Variants in ERG observed in about 807,000 individuals in gnomAD.
ERG encodes the protein ETS transcription factor ERG.
In ERG, 9 loss-of-function variants were observed where a neutral mutation model predicts 55.3. That is an observed-to-expected ratio of 0.16 (90% CI 0.10 to 0.28). The LOEUF (loss-of-function observed/expected upper bound fraction) is 0.28. ERG is among the 10% of genes least tolerant of loss of function. The probability of loss-of-function intolerance (pLI) is 1.00; values close to 1 mark genes in which losing one functional copy is unlikely to be tolerated. For missense variants in ERG, 434 were observed against 631.6 expected (o/e 0.69, Z 3.35); for synonymous variants, 223 against 237.3 (o/e 0.94, Z 0.55).
intron 2 of ERG, among the ~76,000 whole-genome samples, chr21:38,567,816 C>T (rs974204746): frequency 6.6e-6 from 1 of 152,182 alleles, no homozygotes; most frequent in Non-Finnish European, 1.5e-5. Context: ...AAGGCAGATT[C>T]GGGCGCTTTC....
At chr21:38,613,420 G>A (rs931662608) in intron 1 of ERG, among the ~76,000 whole-genome samples, 2 of 152,138 alleles carry the variant, frequency 1.3e-5, no homozygotes, top group African/African-American at 2.4e-5. Context: ...TGACCACATC[G>A]TAACTACTGT....
upstream of ERG, among the ~76,000 whole-genome samples, chr21:38,501,807 C>A (rs941014550): frequency 3.9e-5 from 6 of 152,288 alleles, no homozygotes; most frequent in African/African-American, 1.4e-4. Context: ...AAACCCATCC[C>A]CTGTGAATCT....
intron 2 of ERG, among the ~76,000 whole-genome samples, chr21:38,559,284 C>T (rs954399253): frequency 2.0e-5 from 3 of 151,956 alleles, no homozygotes; most frequent in Admixed American, 2.0e-4. Context: ...CTGGAACACA[C>T]CTGCCTGCTG....
At chr21:38,397,379 C>T (rs1988274427) in intron 6 of ERG, among the ~76,000 whole-genome samples, 1 of 151,976 alleles carries the variant, frequency 6.6e-6, no homozygotes, top group East Asian at 1.9e-4. Context: ...GTGGGCGGAT[C>T]ACGAGGTCAA....
chr21:38,512,901 G>A (rs1446302086), intron 2 of ERG, among the ~76,000 whole-genome samples: 1 of 152,170 alleles, frequency 6.6e-6, no homozygotes, highest in African/African-American at 2.4e-5. Context: ...GGGAGGCCGA[G>A]GCAGGCGGAT....
chr21:38,622,863 C>T (rs192472899), intron 1 of ERG, among the ~76,000 whole-genome samples: 32 of 150,808 alleles, frequency 2.1e-4, no homozygotes, highest in African/African-American at 7.1e-4. Context: ...CACACCCACA[C>T]CACACATACT....
At chr21:38,645,562 G>A (rs1176654421) in intron 1 of ERG, among the ~76,000 whole-genome samples, 1 of 152,176 alleles carries the variant, frequency 6.6e-6, no homozygotes, top group South Asian at 2.1e-4. Context: ...CAGTTCTGCG[G>A]CTTGGGCTCC....
At chr21:38,586,451 A>C (rs912523101), upstream of ERG, among the ~76,000 whole-genome samples, 1 of 152,022 alleles carries the variant, frequency 6.6e-6, no homozygotes, top group Admixed American at 6.6e-5. Context: ...GTGTCCTTTG[A>C]CCAACATCTC....
chr21:38,417,319 T>C (rs1274683549), intron 3 of ERG, among the ~76,000 whole-genome samples: 3 of 152,198 alleles, frequency 2.0e-5, no homozygotes, highest in Non-Finnish European at 2.9e-5. Context: ...AAGAGTTTAA[T>C]GAATGAATTA....
At chr21:38,573,726 C>A (rs770871098) in intron 2 of ERG, among the ~76,000 whole-genome samples, 1 of 152,200 alleles carries the variant, frequency 6.6e-6, no homozygotes, top group Non-Finnish European at 1.5e-5. Context: ...AACTCAGAGG[C>A]CGGTGCCGGT....
chr21:38,461,908 G>C (rs1284541386), intron 1 of ERG, among the ~76,000 whole-genome samples: 1 of 152,078 alleles, frequency 6.6e-6, no homozygotes, highest in Non-Finnish European at 1.5e-5. Flanking sequence ...GGGTTCAAGT[G>C]ATTCTCCTGC....
chr21:38,646,477 G>A (rs1010532459), intron 1 of ERG, among the ~76,000 whole-genome samples: 7 of 152,058 alleles, frequency 4.6e-5, no homozygotes, highest in South Asian at 2.1e-4. Flanking sequence ...GATTCTGACC[G>A]ATCTGCTCTG....
At chr21:38,456,594 T>G (rs963970028) in intron 1 of ERG, among the ~76,000 whole-genome samples, 1 of 21,874 alleles carries the variant, frequency 4.6e-5, no homozygotes, top group Non-Finnish European at 1.0e-4. Context: ...TCTATCCCCA[T>G]CCCCATCATT....
intron 1 of ERG, among the ~76,000 whole-genome samples, chr21:38,622,907 C>T (rs1680703107): frequency 1.3e-5 from 2 of 148,570 alleles, no homozygotes; most frequent in African/African-American, 5.0e-5. Flanking sequence ...ACCATACATA[C>T]ACCACATGCT....
At position 38,381,999 on chromosome 21, in the gene ERG, A is replaced by G; in HGVS notation, c.*1404T>C. 1 of 1,061,250 alleles carries G rather than the reference A, an allele frequency of 9.4e-7. No homozygotes were observed. The highest frequency in any genetic ancestry group is 1.1e-6 in the Non-Finnish European group (1 of 876,512). The allele number at this position is 1,061,250 out of a possible 1,614,324, so 65.7% of individuals were successfully genotyped here. ...TCATTAAGCAACTTTAGTCACTAAA[A>G]AAAGTGCAAATGCAGACTCCTGTAT... On this transcript the variant is annotated 3_prime_UTR_variant, in exon 10 of 10. Coordinates refer to ENST00000288319, the MANE Select transcript of ERG (RefSeq NM_182918.4).
At chr21:38,598,465 A>G (rs1422478013) in intron 1 of ERG, among the ~76,000 whole-genome samples, 2 of 152,234 alleles carry the variant, frequency 1.3e-5, no homozygotes, top group East Asian at 3.8e-4. Context: ...ACAGGGAATA[A>G]TATCATGAAA....
intron 1 of ERG, among the ~76,000 whole-genome samples, chr21:38,623,791 C>T (rs2060307986): frequency 6.6e-6 from 1 of 152,144 alleles, no homozygotes; most frequent in Admixed American, 6.5e-5. Context: ...GCATGTGGGC[C>T]CCTTGCCTTT....
At chr21:38,387,166 G>A (rs1006751068) in intron 9 of ERG, among the ~76,000 whole-genome samples, 1 of 152,208 alleles carries the variant, frequency 6.6e-6, no homozygotes, top group African/African-American at 2.4e-5. Flanking sequence ...ACAGCATCCT[G>A]GTGCAAAGCC....
chr21:38,565,047 G>T (rs969057404), intron 2 of ERG, among the ~76,000 whole-genome samples: 4 of 152,132 alleles, frequency 2.6e-5, no homozygotes, highest in African/African-American at 7.2e-5. Context: ...TCTTGCAGAT[G>T]TCCCTTTTAG....
Sources: allele counts gnomAD v4.1 joint callset (sites outside exome capture counted in the v4.1 genomes callset), GRCh38; gene constraint gnomAD v4.1.1; transcripts MANE v1.5; gene names NCBI Gene and HGNC (gene_info 2026-07-23, HGNC 2026-07-21).